Variants in PUS10 observed in about 807,000 individuals in gnomAD.
PUS10 encodes tRNA pseudouridine synthase Pus10.
A neutral mutation model predicts 75.0 loss-of-function variants in PUS10; 59 were observed. That is an observed-to-expected ratio of 0.79 (90% confidence interval 0.64 to 0.98). The LOEUF is 0.98. PUS10 is among the 50% of genes least tolerant of loss of function. PUS10 has a pLI of 0.00. For synonymous variants in PUS10, 219 were observed against 211.6 expected, an observed-to-expected ratio of 1.03 and a Z score of -0.30; for missense variants, 650 against 614.4, an observed-to-expected ratio of 1.06 and a Z score of -0.61.
intron 11 of PUS10, among the ~76,000 whole-genome samples, chr2:60,956,974 C>CAAAAAAAA (rs56804354): frequency 9.4e-4 from 18 of 19,242 alleles, no homozygotes; most frequent in Non-Finnish European, 1.0e-3. Flanking sequence ...GACTCCATCT[C>CAAAAAAAA]AAAAAAAAAA....
At chr2:60,956,974 CAAAAAAAAAAAAA>C (rs56804354) in intron 11 of PUS10, among the ~76,000 whole-genome samples, 35 of 19,248 alleles carry the variant, frequency 1.8e-3, no homozygotes, top group East Asian at 4.2e-3. Flanking sequence ...GACTCCATCT[CAAAAAAAAAAAAA>C]AAAAAAAAAA....
At chr2:60,949,943 A>G (rs1391245368) in intron 15 of PUS10, among the ~76,000 whole-genome samples, 2 of 152,142 alleles carry the variant, frequency 1.3e-5, no homozygotes, top group Middle Eastern at 3.2e-3. Context: ...AATTATCTCT[A>G]TGGCTACCCT....
intron 3 of PUS10, among the ~76,000 whole-genome samples, chr2:61,007,311 T>C (rs989578988): frequency 2.6e-5 from 4 of 152,084 alleles, no homozygotes; most frequent in African/African-American, 9.7e-5. Flanking sequence ...ATAAAAATTC[T>C]TGGACCTGGG....
intron 12 of PUS10, among the ~76,000 whole-genome samples, chr2:60,954,373 ATGAC>A (rs1292235790): frequency 6.6e-6 from 1 of 152,194 alleles, no homozygotes; most frequent in Non-Finnish European, 1.5e-5. Context: ...ATATGTGAAA[ATGAC>A]TGCTTCCCCA....
At position 61,006,370 on chromosome 2, in the gene PUS10, C is replaced by CT. The variant is rs575691487; in HGVS notation, c.468+186dup. Among the ~76,000 whole-genome samples, 313 of 152,336 alleles carry CT rather than the reference C, an allele frequency of 2.1e-3. 2 individuals carry two copies. The highest frequency in any genetic ancestry group is 3.8e-3 in the Non-Finnish European group (259 of 68,024). ...ACTAACTTGCTTTGTTAGGACACAA[C>CT]TAATTCCTTTTGTCATTCACTCACT... On this transcript the variant is annotated intron_variant, in intron 4 of 17. Coordinates refer to ENST00000316752, the MANE Select transcript of PUS10 (RefSeq NM_144709.4).
At chr2:61,016,955 T>C (rs1375329199) in intron 1 of PUS10, among the ~76,000 whole-genome samples, 3 of 152,106 alleles carry the variant, frequency 2.0e-5, no homozygotes, top group Non-Finnish European at 4.4e-5. Context: ...CTGTGGACTC[T>C]TGAAAAGTTC....
chr2:60,952,025 T>C (rs10176601), intron 15 of PUS10, among the ~76,000 whole-genome samples: 34,624 of 152,096 alleles, frequency 0.23, 4,133 homozygotes, highest in Middle Eastern at 0.37. Flanking sequence ...TGTATGCTCA[T>C]TCCTTGCATT....
intron 3 of PUS10, 50 bp from the exon 4 acceptor site, chr2:61,006,693 T>C (rs1342067738): frequency 2.2e-6 from 3 of 1,389,986 alleles, no homozygotes; most frequent in Non-Finnish European, 3.0e-6. Context: ...CTGAAAATAT[T>C]ACTTACCCTA....
chr2:60,995,222 G>A (rs1192725099), intron 4 of PUS10, among the ~76,000 whole-genome samples: 3 of 152,178 alleles, frequency 2.0e-5, no homozygotes, highest in Admixed American at 6.5e-5. Flanking sequence ...CCTACTTTAA[G>A]GGGTTGTGAT....
chr2:61,002,876 C>G (rs1382979989), intron 4 of PUS10, among the ~76,000 whole-genome samples: 1 of 152,166 alleles, frequency 6.6e-6, no homozygotes, highest in Admixed American at 6.6e-5. Context: ...CCATATTGTT[C>G]TCTTGTGAAA....
chr2:60,961,453 A>G lies in PUS10; in HGVS notation c.874+10T>C, dbSNP rs376152769. ...CACAGTGTATGTATATTCTAGACTAAATATTTTACCAGCCACAAAAACAGC... is the reference window on the plus strand; with the variant it reads ...CACAGTGTATGTATATTCTAGACTAGATATTTTACCAGCCACAAAAACAGC... On this transcript the variant is annotated intron_variant, in intron 10 of 17. Transcript: ENST00000316752. 2.1e-5 allele frequency: 33 copies of G among 1,608,088 alleles called. No homozygotes were observed. In the African/African-American group the frequency reaches 4.0e-4, roughly 20 times the overall value.
chr2:61,006,542 T>G lies in PUS10; in HGVS notation c.468+15A>C, dbSNP rs772532093. On this transcript the variant is annotated intron_variant, in intron 4 of 17. Transcript: ENST00000316752. Reference sequence around the variant, plus strand: ...TGCACTTCACATACAGTTTTATGCATGCAAATGACCTTACCTCTCTTACAG... The same window carrying G: ...TGCACTTCACATACAGTTTTATGCAGGCAAATGACCTTACCTCTCTTACAG... 3 of 1,588,204 alleles carry G rather than the reference T, an allele frequency of 1.9e-6. No homozygotes were observed. The highest frequency in any genetic ancestry group is 2.7e-5 in the African/African-American group (2 of 74,364).
chr2:60,996,382 G>A (rs1187758228), intron 4 of PUS10, among the ~76,000 whole-genome samples: 1 of 152,072 alleles, frequency 6.6e-6, no homozygotes, highest in Non-Finnish European at 1.5e-5. Flanking sequence ...ACGTAACAGA[G>A]TCCTAAACCT....
At chr2:60,951,533 C>A (rs1675337236) in intron 15 of PUS10, among the ~76,000 whole-genome samples, 1 of 152,164 alleles carries the variant, frequency 6.6e-6, no homozygotes, top group Admixed American at 6.5e-5. Flanking sequence ...TCATAAGGAG[C>A]ATGCAACCTA....
At position 60,945,122 on chromosome 2, in the gene PUS10, A is replaced by C; in HGVS notation, c.1452-14T>G. 1 of 1,585,398 alleles carries C rather than the reference A, an allele frequency of 6.3e-7. No homozygotes were observed. The highest frequency in any genetic ancestry group is 8.7e-7 in the Non-Finnish European group (1 of 1,153,872). On this transcript the variant is annotated splice_polypyrimidine_tract_variant and intron_variant, in intron 16 of 17. Transcript: ENST00000316752. ...TCTTTAATGTAGCTGGGGTTTGTTT[A>C]AGGAAAAAATGAAGACAGCATGCTG...
At chr2:61,009,404 C>T (rs1353745412) in intron 2 of PUS10, among the ~76,000 whole-genome samples, 1 of 152,142 alleles carries the variant, frequency 6.6e-6, no homozygotes, top group East Asian at 1.9e-4. Context: ...AACTGAATTT[C>T]CATCCTTGCT....
At chr2:60,976,242 T>G (rs1008503687) in intron 4 of PUS10, among the ~76,000 whole-genome samples, 2 of 152,236 alleles carry the variant, frequency 1.3e-5, no homozygotes, top group African/African-American at 4.8e-5. Context: ...TATCTGTACT[T>G]TACAAATAAT....
At chr2:61,003,750 T>G (rs1287037577) in intron 4 of PUS10, among the ~76,000 whole-genome samples, 1 of 152,008 alleles carries the variant, frequency 6.6e-6, no homozygotes, top group Non-Finnish European at 1.5e-5. Flanking sequence ...CTCACTGTGT[T>G]GCCCAGGCTG....
chr2:61,007,366 G>T (rs911912399), intron 3 of PUS10, among the ~76,000 whole-genome samples: 1 of 152,174 alleles, frequency 6.6e-6, no homozygotes, highest in African/African-American at 2.4e-5. Context: ...GGAGGCTAAG[G>T]CGTGAGGATC....
Sources: allele counts gnomAD v4.1 joint callset (sites outside exome capture counted in the v4.1 genomes callset), GRCh38; gene constraint gnomAD v4.1.1; transcripts MANE v1.5; gene names NCBI Gene and HGNC (gene_info 2026-07-23, HGNC 2026-07-21).